VPS41: variants seen among roughly 807,000 people sequenced by gnomAD.
VPS41 encodes the protein vacuolar protein sorting-associated protein 41 homolog.
VPS41 carries 85 observed loss-of-function variants against 130.9 expected under a neutral mutation model. The observed-to-expected ratio is 0.65, with a 90% CI of 0.55 to 0.78. The LOEUF (loss-of-function observed/expected upper bound fraction) is 0.78. Among genes scored for constraint, VPS41 ranks in the 30% least tolerant of loss-of-function variants. VPS41 has a pLI of 0.00. For missense variants in VPS41, 874 were observed against 1,018.7 expected (o/e 0.86, Z 1.93); for synonymous variants, 335 against 332.9 (o/e 1.01, Z -0.07).
chr7:38,754,014 T>C (rs1453654483), intron 21 of VPS41, among the ~76,000 whole-genome samples: 2 of 152,228 alleles, frequency 1.3e-5, no homozygotes, highest in African/African-American at 4.8e-5. Context: ...AGTTTTCTCT[T>C]GTATAACTTT....
rs1795481236 is a variant in VPS41, at chr7:38,723,721, C to A, written c.*2525G>T. 1 of 24,528 alleles carries A rather than the reference C, an allele frequency of 4.1e-5. No individual in the cohort carries two copies. Among genetic ancestry groups the A allele is most frequent in the Non-Finnish European group, 6.2e-5 (1 of 16,022 alleles). The allele number at this position is 24,528 out of a possible 1,614,324, so 1.5% of individuals were successfully genotyped here. On this transcript the variant is annotated 3_prime_UTR_variant, in exon 29 of 29. Coordinates refer to ENST00000310301, the MANE Select transcript of VPS41 (RefSeq NM_014396.4). Reference sequence around the variant, plus strand: ...CCAAGGCAACAGAACGAGACTCCATCTCAAAAAAAAAAAAAAAAAAAAAAA... The same window carrying A: ...CCAAGGCAACAGAACGAGACTCCATATCAAAAAAAAAAAAAAAAAAAAAAA...
At chr7:38,886,696 A>G (rs1786739719) in intron 2 of VPS41, among the ~76,000 whole-genome samples, 1 of 152,224 alleles carries the variant, frequency 6.6e-6, no homozygotes, top group Non-Finnish European at 1.5e-5. Flanking sequence ...TTGAGCTCCA[A>G]TAACGGACAG....
Position 38,795,625 on chromosome 7 carries a change from C to G in VPS41, c.571-14G>C. On this transcript the variant is annotated splice_polypyrimidine_tract_variant and intron_variant, in intron 8 of 28. Transcript: ENST00000310301. ...AATCTTCACACCCTGGAAAATAATA[C>G]AGCAGTAAGCATCCTCTACTCAGGA... The G allele has an allele frequency of 6.2e-7, 1 of 1,606,624 alleles. No homozygotes were observed. The highest frequency in any genetic ancestry group is 8.5e-7 in the Non-Finnish European group (1 of 1,175,980).
In VPS41 at chr7:38,776,815, G is replaced by A. The variant is rs74562521; in HGVS notation, c.785-39C>T. ...GGATACAGGAGTCATCATCAACAGGGGCAAACAGCAGCACACATCTGGAGG... is the reference window on the plus strand; with the variant it reads ...GGATACAGGAGTCATCATCAACAGGAGCAAACAGCAGCACACATCTGGAGG... On this transcript the variant is annotated intron_variant, in intron 10 of 28. Coordinates refer to ENST00000310301, the MANE Select transcript of VPS41 (RefSeq NM_014396.4). 2.9e-3 allele frequency: 3,381 copies of A among 1,165,296 alleles called. 69 individuals are homozygous for A. In the African/African-American group the frequency reaches 0.041, roughly 14 times the overall value. The allele number at this position is 1,165,296 out of a possible 1,614,324, so 72.2% of individuals were successfully genotyped here. A position where few individuals can be genotyped will look rare whatever the true frequency, so the allele number is the denominator to read the frequency against.
chr7:38,746,719 CA>C (rs111767710), intron 22 of VPS41, among the ~76,000 whole-genome samples: 1,758 of 152,264 alleles, frequency 0.012, 43 homozygotes, highest in African/African-American at 0.039. Flanking sequence ...TCGCTCCACT[CA>C]GACTTAAAGC....
At chr7:38,878,573 C>T (rs142508009) in intron 2 of VPS41, among the ~76,000 whole-genome samples, 1,598 of 152,124 alleles carry the variant, frequency 0.011, 8 homozygotes, top group Non-Finnish European at 0.014. Flanking sequence ...AATCAAACCC[C>T]GCATATATTA....
chr7:38,846,291 G>T (rs1785722449), intron 4 of VPS41, among the ~76,000 whole-genome samples: 1 of 152,066 alleles, frequency 6.6e-6, no homozygotes, highest in South Asian at 2.1e-4. Context: ...TTAAGAGCAG[G>T]GTCTGTGTTT....
intron 1 of VPS41, among the ~76,000 whole-genome samples, chr7:38,907,090 A>C (rs1787285389): frequency 6.7e-6 from 1 of 148,388 alleles, no homozygotes; most frequent in East Asian, 1.9e-4. Flanking sequence ...AAAAAAAAAA[A>C]ACAAATTTTA....
chr7:38,839,590 A>C (rs1785566264), intron 4 of VPS41, among the ~76,000 whole-genome samples: 1 of 151,796 alleles, frequency 6.6e-6, no homozygotes, highest in African/African-American at 2.4e-5. Flanking sequence ...CACCACGTCC[A>C]GCTAATTTTT....
intron 9 of VPS41, among the ~76,000 whole-genome samples, chr7:38,791,394 G>T (rs1784533094): frequency 6.6e-6 from 1 of 152,136 alleles, no homozygotes; most frequent in African/African-American, 2.4e-5. Flanking sequence ...CAATATTAGT[G>T]AACACTTTTT....
At chr7:38,812,872 G>C (rs1784972498) in intron 7 of VPS41, among the ~76,000 whole-genome samples, 1 of 152,046 alleles carries the variant, frequency 6.6e-6, no homozygotes. Context: ...TAATCAAAAA[G>C]AGAAAATAAA....
Position 38,867,593 on chromosome 7 carries a change from G to A in VPS41, c.168+1553C>T, listed in dbSNP as rs142772651. The stretch of plus-strand genomic sequence containing the variant: ...AAAGAAAGAAAGAAAATCTCCTGTG[G>A]GTAAGAATGGGTGTGAAAAAGAGGT... On this transcript the variant is annotated intron_variant, in intron 3 of 28. Transcript: ENST00000310301. Among the ~76,000 whole-genome samples the A allele has an allele frequency of 4.7e-3, 711 of 151,936 alleles. 6 individuals carry two copies. Among genetic ancestry groups the A allele is most frequent in the African/African-American group, 0.016 (675 of 41,468 alleles).
chr7:38,849,274 G>A (rs1260259209), intron 4 of VPS41, among the ~76,000 whole-genome samples: 1 of 152,116 alleles, frequency 6.6e-6, no homozygotes, highest in East Asian at 1.9e-4. Context: ...ATCTAGGGGT[G>A]AATGTTTAAG....
intron 2 of VPS41, among the ~76,000 whole-genome samples, chr7:38,896,523 T>G (rs1398484196): frequency 6.6e-6 from 1 of 152,252 alleles, no homozygotes; most frequent in Non-Finnish European, 1.5e-5. Flanking sequence ...TCATAAACTT[T>G]CTTAAAACAC....
chr7:38,862,738 CAA>C (rs1187516060), intron 3 of VPS41, 116 bp from the exon 4 acceptor site: 1 of 624,688 alleles, frequency 1.6e-6, no homozygotes, highest in African/African-American at 1.9e-5. Flanking sequence ...TGCAATGTCT[CAA>C]AAGATATGCA....
intron 7 of VPS41, among the ~76,000 whole-genome samples, chr7:38,809,008 A>G (rs1293681916): frequency 2.6e-5 from 4 of 152,326 alleles, no homozygotes; most frequent in Admixed American, 2.6e-4. Flanking sequence ...TATGGTTACT[A>G]TATTTAATAA....
At chr7:38,865,667 G>C (rs1360121175) in intron 3 of VPS41, among the ~76,000 whole-genome samples, 1 of 152,206 alleles carries the variant, frequency 6.6e-6, no homozygotes, top group African/African-American at 2.4e-5. Flanking sequence ...TAGGCTTGTA[G>C]TAAAAACCAT....
Position 38,869,165 on chromosome 7 carries a change from C to T in VPS41, c.149G>A (p.Cys50Tyr). ...TCTTACCTTGTCATGGACTGTCATG[C>T]AGCTAGCTGCATCCTTCTGAAGTAT... ...TEILQKDAAS[C>Y]MTVHDKFLAL... is the part of the protein sequence containing the mutation. Residue 50 changes from cysteine (C) to tyrosine (Y), a missense_variant, in exon 3 of 29, where the codon TGC (cysteine) becomes TAC (tyrosine). Cys to Tyr is a radical substitution (Grantham distance 194). Transcript: ENST00000310301. The T allele has an allele frequency of 1.9e-6, 3 of 1,603,926 alleles. No individual in the cohort carries two copies. Among genetic ancestry groups the T allele is most frequent in the Non-Finnish European group, 2.6e-6 (3 of 1,174,330 alleles).
chr7:38,736,902 T>C (rs374831284), intron 25 of VPS41, among the ~76,000 whole-genome samples: 1 of 152,142 alleles, frequency 6.6e-6, no homozygotes, highest in African/African-American at 2.4e-5. Flanking sequence ...AAAGCTTCTA[T>C]CTCAAGAAAA....
Sources: allele counts gnomAD v4.1 joint callset (sites outside exome capture counted in the v4.1 genomes callset), GRCh38; gene constraint gnomAD v4.1.1; transcripts MANE v1.5; gene names NCBI Gene and HGNC (gene_info 2026-07-23, HGNC 2026-07-21).